RSRC2: variants seen among roughly 807,000 people sequenced by gnomAD.
RSRC2 encodes arginine/serine-rich coiled-coil protein 2.
A neutral mutation model predicts 61.3 loss-of-function variants in RSRC2; 5 were observed. That is an observed-to-expected ratio of 0.08 (90% CI 0.04 to 0.17). RSRC2 has a LOEUF of 0.17. Ranked by LOEUF, RSRC2 falls within the 10% of genes least tolerant of loss-of-function variation. The pLI, the probability that RSRC2 is intolerant of heterozygous loss-of-function variation, is 1.00. For synonymous variants in RSRC2, 202 were observed against 166.5 expected, an observed-to-expected ratio of 1.21 and a Z score of -1.64; for missense variants, 381 against 518.8, an observed-to-expected ratio of 0.73 and a Z score of 2.58.
chr12:122,526,238 T>C (rs1432470914), intron 1 of RSRC2: 3 of 152,544 alleles, frequency 2.0e-5, no homozygotes, highest in African/African-American at 4.8e-5. Flanking sequence ...TCAGTCAGAA[T>C]TGGTAGTTCC....
At position 122,503,588 on chromosome 12, in the gene RSRC2, G is replaced by A. The variant is rs1957989554; in HGVS notation, c.*1939C>T. The A allele has an allele frequency of 6.6e-6, 1 of 152,216 alleles. No individual in the cohort carries two copies. The highest frequency in any genetic ancestry group is 1.5e-5 in the Non-Finnish European group (1 of 68,046). 9.4% of individuals were successfully genotyped at this position (152,216 alleles called of 1,614,324 possible). On this transcript the variant is annotated 3_prime_UTR_variant, in exon 10 of 10. Transcript: ENST00000331738. ...AAGCTTTTGCGTCCACACTGCCTTAGAAGGTCATGAACATTTTTAATAAGA... is the reference window on the plus strand; with the variant it reads ...AAGCTTTTGCGTCCACACTGCCTTAAAAGGTCATGAACATTTTTAATAAGA...
rs570907041 is a variant in RSRC2, at chr12:122,504,955, G to A, written c.*572C>T. The A allele has an allele frequency of 7.9e-5, 12 of 152,654 alleles. No homozygotes were observed. The highest frequency in any genetic ancestry group is 4.6e-4 in the Admixed American group (7 of 15,280). The allele number at this position is 152,654 out of a possible 1,614,324, so 9.5% of individuals were successfully genotyped here. ...TGGCCTTAAAAAGGGTGGTGGGGAG[G>A]GGATTTCTAGCTAGTGTTTTCTAAC... is the stretch of plus-strand genomic sequence containing the variant. On this transcript the variant is annotated 3_prime_UTR_variant, in exon 10 of 10. Transcript: ENST00000331738.
At chr12:122,508,502 C>T (rs1322543019) in intron 7 of RSRC2, 55 bp from the exon 8 acceptor site, 2 of 1,341,790 alleles carry the variant, frequency 1.5e-6, no homozygotes, top group Non-Finnish European at 1.0e-6. Context: ...ACATAAACCT[C>T]CTGATTTACA....
rs1403375783 is a variant in RSRC2, at chr12:122,507,657, T to C, written c.1035+561A>G. Among the ~76,000 whole-genome samples, 4 of 152,080 alleles carry C rather than the reference T, an allele frequency of 2.6e-5. No individual in the cohort carries two copies. In the East Asian group the frequency reaches 5.8e-4, roughly 22 times the overall value. The stretch of plus-strand genomic sequence containing the variant: ...TATTAATAACTGGCAAATAAGACTA[T>C]CATAGCTTATTATAAGTTTTTTGAG... On this transcript the variant is annotated intron_variant, in intron 8 of 9. Transcript: ENST00000331738.
intron 3 of RSRC2, chr12:122,520,350 A>C (rs1959179519): frequency 2.5e-6 from 1 of 401,790 alleles, no homozygotes; most frequent in Non-Finnish European, 4.6e-6. Context: ...AGACTGGAAA[A>C]GTCTTAAGTG....
chr12:122,518,780 A>T (rs1229624062), intron 4 of RSRC2, 59 bp downstream of exon 4: 1 of 1,344,710 alleles, frequency 7.4e-7, no homozygotes, highest in East Asian at 2.3e-5. Flanking sequence ...TTGCTGGGTC[A>T]ATGAGAAACT....
Position 122,506,633 on chromosome 12 carries a change from A to G in RSRC2, c.1125+201T>C, listed in dbSNP as rs113718440. The G allele has an allele frequency of 7.5e-3, 3,838 of 510,298 alleles. 97 individuals carry two copies. Among genetic ancestry groups the G allele is most frequent in the African/African-American group, 0.058 (2,963 of 51,302 alleles). The allele number at this position is 510,298 out of a possible 1,614,324, so 31.6% of individuals were successfully genotyped here. A position where few individuals can be genotyped will look rare whatever the true frequency, so the allele number is the denominator to read the frequency against. ...AACCCCGTCTCTCTCTCTCTCTCCA[A>G]GTGTGTGTGTAGGGAGGACAGTGGG... is the stretch of plus-strand genomic sequence containing the variant. On this transcript the variant is annotated intron_variant, in intron 9 of 9. Transcript: ENST00000331738.
chr12:122,505,390 A>C lies in RSRC2; in HGVS notation c.*137T>G, dbSNP rs1958052724. 1 of 747,910 alleles carries C rather than the reference A, an allele frequency of 1.3e-6. No individual in the cohort carries two copies. The highest frequency in any genetic ancestry group is 2.1e-6 in the Non-Finnish European group (1 of 473,414). The allele number at this position is 747,910 out of a possible 1,614,324, so 46.3% of individuals were successfully genotyped here. On this transcript the variant is annotated 3_prime_UTR_variant, in exon 10 of 10. Coordinates refer to ENST00000331738, the MANE Select transcript of RSRC2 (RefSeq NM_023012.6). ...CACCAGTATCACTGATCTGATATTT[A>C]CAAAAATTTGTATTTTTCAATAAAT...
chr12:122,524,244 T>A (rs1959709136), intron 1 of RSRC2, among the ~76,000 whole-genome samples: 1 of 152,224 alleles, frequency 6.6e-6, no homozygotes, highest in South Asian at 2.1e-4. Flanking sequence ...CAATGAATTC[T>A]GGACACTTTT....
At chr12:122,512,913 C>A (rs1958633653) in intron 6 of RSRC2, among the ~76,000 whole-genome samples, 1 of 152,104 alleles carries the variant, frequency 6.6e-6, no homozygotes, top group African/African-American at 2.4e-5. Flanking sequence ...AGGTCGCAGG[C>A]TTGGCAAGGT....
At chr12:122,513,360 T>C (rs1478019497) in intron 6 of RSRC2, among the ~76,000 whole-genome samples, 1 of 151,536 alleles carries the variant, frequency 6.6e-6, no homozygotes, top group Non-Finnish European at 1.5e-5. Flanking sequence ...AAAAGGTCTA[T>C]ACATGGTAGT....
At chr12:122,512,503 G>T (rs1958602553) in intron 6 of RSRC2, among the ~76,000 whole-genome samples, 1 of 152,118 alleles carries the variant, frequency 6.6e-6, no homozygotes, top group African/African-American at 2.4e-5. Flanking sequence ...TGAGGTGGGT[G>T]GATCACCTGA....
rs766398199 is a variant in RSRC2 at position 122,504,081 on chromosome 12, C to T, written c.*1446G>A. On this transcript the variant is annotated 3_prime_UTR_variant, in exon 10 of 10. Transcript: ENST00000331738. ...AAAAAAAGAAAACACCCCATTACTT[C>T]ATTTTCATGTATAAAAAAAATACCT... 7.2e-5 allele frequency: 11 copies of T among 152,026 alleles called. No homozygotes were observed. Among genetic ancestry groups the T allele is most frequent in the Admixed American group, 2.0e-4 (3 of 15,252 alleles). 9.4% of individuals were successfully genotyped at this position (152,026 alleles called of 1,614,324 possible).
intron 8 of RSRC2, 101 bp downstream of exon 8, chr12:122,508,117 A>G (rs896700457): frequency 1.8e-6 from 2 of 1,115,380 alleles, no homozygotes; most frequent in African/African-American, 3.1e-5. Flanking sequence ...CCAGGTTCTT[A>G]CAAAGTTAAG....
At chr12:122,511,247 T>C in intron 6 of RSRC2, 59 bp from the exon 7 acceptor site, 2 of 1,296,808 alleles carry the variant, frequency 1.5e-6, no homozygotes, top group Non-Finnish European at 2.2e-6. Flanking sequence ...TATGTATATA[T>C]CTCTCTATAT....
At chr12:122,511,831 C>G (rs1057245163) in intron 6 of RSRC2, among the ~76,000 whole-genome samples, 3 of 151,718 alleles carry the variant, frequency 2.0e-5, no homozygotes, top group Non-Finnish European at 4.4e-5. Flanking sequence ...TTTTTTGAGA[C>G]AGTCTCACTC....
In RSRC2 at chr12:122,504,604, G is replaced by A. The variant is rs1239814118; in HGVS notation, c.*923C>T. ...AGATTGTGCCACTGCACCCAGTTTA[G>A]GCAACAGAGCAAGATCCTGTCTCAA... On this transcript the variant is annotated 3_prime_UTR_variant, in exon 10 of 10. Transcript: ENST00000331738. The A allele has an allele frequency of 6.6e-6, 1 of 152,292 alleles. No individual in the cohort carries two copies. The highest frequency in any genetic ancestry group is 1.5e-5 in the Non-Finnish European group (1 of 68,038). The allele number at this position is 152,292 out of a possible 1,614,324, so 9.4% of individuals were successfully genotyped here.
At chr12:122,516,126 T>C (rs1456650083) in intron 5 of RSRC2, among the ~76,000 whole-genome samples, 1 of 152,188 alleles carries the variant, frequency 6.6e-6, no homozygotes, top group Non-Finnish European at 1.5e-5. Flanking sequence ...AAAGATCAAG[T>C]GATAAATCAT....
At chr12:122,523,845 G>A (rs1001862914) in intron 1 of RSRC2, 2 of 151,270 alleles carry the variant, frequency 1.3e-5, no homozygotes, top group Non-Finnish European at 2.9e-5. Flanking sequence ...GGTCAAAAAT[G>A]TGCCAAAACC....
Sources: allele counts gnomAD v4.1 joint callset (sites outside exome capture counted in the v4.1 genomes callset), GRCh38; gene constraint gnomAD v4.1.1; transcripts MANE v1.5; gene names NCBI Gene and HGNC (gene_info 2026-07-23, HGNC 2026-07-21).